PLB1: variants seen among roughly 807,000 people sequenced by gnomAD.
PLB1 encodes phospholipase B1, membrane-associated.
Under a neutral mutation model 227.4 loss-of-function variants are expected in PLB1, and 242 were observed. That is an observed-to-expected ratio of 1.06 (90% CI 0.96 to 1.18). The LOEUF (loss-of-function observed/expected upper bound fraction) is 1.18. Ranked by LOEUF, PLB1 falls within the 50% of genes most tolerant of loss-of-function variation. The pLI is 0.00. For missense variants in PLB1, 1,858 were observed against 1,816.3 expected, an observed-to-expected ratio of 1.02 and a Z score of -0.42; for synonymous variants, 757 against 682.2, an observed-to-expected ratio of 1.11 and a Z score of -1.71.
intron 32 of PLB1, 26 bp from the exon 33 acceptor site, chr2:28,593,655 C>T (rs750058394): frequency 1.2e-6 from 2 of 1,609,154 alleles, no homozygotes; most frequent in Non-Finnish European, 1.7e-6. Context: ...GCTAATTTTC[C>T]TATGGACTCT....
At chr2:28,498,735 A>G (rs887368305) in intron 1 of PLB1, among the ~76,000 whole-genome samples, 1 of 152,250 alleles carries the variant, frequency 6.6e-6, no homozygotes, top group Non-Finnish European at 1.5e-5. Flanking sequence ...CTCAGGGCCA[A>G]TAACCCATTA....
At chr2:28,534,406 T>G (rs1352179249) in intron 9 of PLB1, among the ~76,000 whole-genome samples, 1 of 152,146 alleles carries the variant, frequency 6.6e-6, no homozygotes, top group Non-Finnish European at 1.5e-5. Flanking sequence ...CAACCAACAT[T>G]GTAAAAAAAA....
At chr2:28,586,824 T>C (rs1256398259) in intron 26 of PLB1, among the ~76,000 whole-genome samples, 3 of 152,188 alleles carry the variant, frequency 2.0e-5, no homozygotes, top group Admixed American at 6.5e-5. Context: ...CTTGGCTCAC[T>C]GCAGCCTTGA....
intron 23 of PLB1, among the ~76,000 whole-genome samples, chr2:28,580,342 A>G (rs535782137): frequency 2.6e-5 from 4 of 152,364 alleles, no homozygotes; most frequent in South Asian, 4.1e-4. Context: ...CTGCCAGCGG[A>G]GAGAGAGACA....
intron 17 of PLB1, among the ~76,000 whole-genome samples, chr2:28,553,917 C>T (rs954378417): frequency 6.6e-6 from 1 of 152,180 alleles, no homozygotes; most frequent in African/African-American, 2.4e-5. Context: ...CAGATTGTCT[C>T]CTTGTGCTGA....
intron 41 of PLB1, among the ~76,000 whole-genome samples, chr2:28,605,343 G>A (rs1684518865): frequency 6.6e-6 from 1 of 152,110 alleles, no homozygotes; most frequent in Non-Finnish European, 1.5e-5. Flanking sequence ...TCACCTAACT[G>A]GAAAGCAGGA....
At chr2:28,579,953 TATC>T (rs1679645195) in intron 23 of PLB1, among the ~76,000 whole-genome samples, 1 of 152,224 alleles carries the variant, frequency 6.6e-6, no homozygotes, top group Admixed American at 6.5e-5. Context: ...AGCTTGATCA[TATC>T]ATTCTAGAAA....
intron 35 of PLB1, among the ~76,000 whole-genome samples, chr2:28,599,741 G>C (rs955919018): frequency 2.6e-5 from 4 of 151,996 alleles, no homozygotes; most frequent in African/African-American, 7.3e-5. Context: ...CTCAGCCTCC[G>C]AGTAGCTGGG....
At position 28,540,378 on chromosome 2, in the gene PLB1, G is replaced by A. The variant is rs759133552; in HGVS notation, c.711G>A (p.Glu237=). The change falls in exon 12 of 58, where the codon GAG becomes GAA. Residue 237 remains glutamate (E), a synonymous_variant. Transcript: ENST00000327757. ...TTTTAACCTGCAGCCCTGCACCAGA[G>A]CCCTGTAATTGCTCAGAGGAGACCA... ...YHGTWLSPAP[E]PCNCSEETTR... 4 of 1,613,890 alleles carry A rather than the reference G, an allele frequency of 2.5e-6. No homozygotes were observed. The highest frequency in any genetic ancestry group is 2.2e-5 in the East Asian group (1 of 44,882).
chr2:28,581,483 AAAAAAAT>A (rs1306445928), intron 23 of PLB1, among the ~76,000 whole-genome samples: 26 of 58,448 alleles, frequency 4.4e-4, no homozygotes, highest in African/African-American at 1.8e-3. Context: ...AGCTCCACGC[AAAAAAAT>A]AAATAAATAA....
rs1173153302 is a variant in PLB1, at chr2:28,620,961, G to A, written c.3510G>A (p.Ala1170=). 5.0e-6 allele frequency: 8 copies of A among 1,612,544 alleles called. No individual in the cohort carries two copies. The highest frequency in any genetic ancestry group is 4.5e-5 in the East Asian group (2 of 44,886). ...GGACAGCAGGACTAAATGTGGCAGC[G>A]GAAGGGGCCAGAGCTAGGTGAGTAG... ...WEGTAGLNVA[A]EGARARDMPA... is the part of the protein sequence containing the mutation. The change falls in exon 49 of 58, where the codon GCG becomes GCA. Residue 1170 remains alanine, a synonymous_variant. Transcript: ENST00000327757.
Position 28,519,738 on chromosome 2 carries a change from T to C in PLB1, c.218T>C (p.Val73Ala), listed in dbSNP as rs1669268695. The change falls in exon 4 of 58, where the codon GTG (valine) becomes GCG (alanine). Residue 73 changes from valine to alanine, a missense_variant. Coordinates refer to ENST00000327757, the MANE Select transcript of PLB1 (RefSeq NM_153021.5). ...CTGAAGCCTTCTGATATTAAATTTG[T>C]GGCAGCCATTGGCAATCTGGAAATT... The part of the protein sequence containing the change: ...HSLKPSDIKF[V>A]AAIGNLEIPP... 6.2e-7 allele frequency: 1 copy of C among 1,612,064 alleles called. No homozygotes were observed. Among genetic ancestry groups the C allele is most frequent in the African/African-American group, 1.3e-5 (1 of 74,962 alleles).
At chr2:28,636,029 A>ATGTGTGTGTGTGTATG (rs1491543833) in intron 56 of PLB1, among the ~76,000 whole-genome samples, 6 of 81,340 alleles carry the variant, frequency 7.4e-5, no homozygotes, top group African/African-American at 2.0e-4. Context: ...ATGTGTGTGT[A>ATGTGTGTGTGTGTATG]TGTGTGTGTG....
At chr2:28,534,740 G>T (rs959687995) in intron 9 of PLB1, among the ~76,000 whole-genome samples, 20 of 152,224 alleles carry the variant, frequency 1.3e-4, no homozygotes, top group African/African-American at 4.1e-4. Flanking sequence ...TGTAGTCCCA[G>T]CTACTCGGGA....
chr2:28,599,554 CGG>C (rs145868746), intron 35 of PLB1, among the ~76,000 whole-genome samples: 7,291 of 152,242 alleles, frequency 0.048, 565 homozygotes, highest in African/African-American at 0.16. Flanking sequence ...AGGTCTATAA[CGG>C]GGCCCTGAAC....
chr2:28,589,465 CTGAT>C lies in PLB1; in HGVS notation c.1835_1838del (p.Ile612ArgfsTer89), dbSNP rs760091187. On this transcript the variant is annotated frameshift_variant, in exon 27 of 58. Transcript: ENST00000327757. LOFTEE classifies it high-confidence loss of function. Reference sequence around the variant, plus strand: ...CCTCCTGCAGGAGAAGACCCACCAACTGATTGAGAGTGGGCGATATGACACAAGG... The same window carrying C: ...CCTCCTGCAGGAGAAGACCCACCAACTGAGAGTGGGCGATATGACACAAGG... 1.9e-5 allele frequency: 30 copies of C among 1,614,176 alleles called. No homozygotes were observed. Among genetic ancestry groups the C allele is most frequent in the Non-Finnish European group, 2.5e-5 (29 of 1,180,026 alleles).
chr2:28,517,582 C>T (rs969645672), intron 2 of PLB1, among the ~76,000 whole-genome samples: 2 of 152,022 alleles, frequency 1.3e-5, no homozygotes, highest in African/African-American at 2.4e-5. Flanking sequence ...AAACATAATG[C>T]CTCATATACT....
chr2:28,512,731 G>A (rs1326511583), intron 1 of PLB1, among the ~76,000 whole-genome samples: 1 of 146,660 alleles, frequency 6.8e-6, no homozygotes, highest in African/African-American at 2.5e-5. Flanking sequence ...AGTCACCCTT[G>A]AGTCTGCATG....
At chr2:28,614,238 GC>G in intron 44 of PLB1, 142 bp downstream of exon 44, 1 of 843,634 alleles carries the variant, frequency 1.2e-6, no homozygotes. Context: ...TACAGAAAAG[GC>G]TCCCGGACCA....
Sources: gnomAD v4.1 joint callset for allele counts (sites outside exome capture counted in the v4.1 genomes callset) on GRCh38, gnomAD v4.1.1 for gene constraint, MANE v1.5 for transcripts, NCBI Gene and HGNC (gene_info 2026-07-23, HGNC 2026-07-21) for gene names.